The following TAFA1 variants were observed in gnomAD, a reference collection of about 807,000 sequenced individuals.
The protein encoded by TAFA1 is chemokine-like protein TAFA-1.
Under a neutral mutation model 18.5 loss-of-function variants are expected in TAFA1, and 4 were observed. That is an observed-to-expected ratio of 0.22 (90% CI 0.11 to 0.49). The LOEUF (loss-of-function observed/expected upper bound fraction) is 0.49. TAFA1 is among the 20% of genes least tolerant of loss of function. The probability of loss-of-function intolerance (pLI) is 0.98; values close to 1 mark genes in which losing one functional copy is unlikely to be tolerated. For missense variants in TAFA1, 147 were observed against 169.0 expected (o/e 0.87, Z 0.72); for synonymous variants, 56 against 55.2 (o/e 1.01, Z -0.06).
At chr3:68,330,150 G>T (rs563516171) in intron 2 of TAFA1, among the ~76,000 whole-genome samples, 1 of 152,288 alleles carries the variant, frequency 6.6e-6, no homozygotes, top group African/African-American at 2.4e-5. Flanking sequence ...TGTATCATGG[G>T]CAAATGGTCA....
At chr3:68,025,605 C>T (rs1353041303) in intron 2 of TAFA1, among the ~76,000 whole-genome samples, 1 of 152,116 alleles carries the variant, frequency 6.6e-6, no homozygotes, top group East Asian at 1.9e-4. Flanking sequence ...GCATCTTCTC[C>T]TACTTCACTC....
chr3:68,252,660 A>C (rs1342256874), intron 2 of TAFA1, among the ~76,000 whole-genome samples: 1 of 152,188 alleles, frequency 6.6e-6, no homozygotes, highest in Non-Finnish European at 1.5e-5. Context: ...GTACTTTCTG[A>C]AGCCAAACTG....
intron 2 of TAFA1, among the ~76,000 whole-genome samples, chr3:68,050,715 T>A (rs1300594725): frequency 1.3e-5 from 2 of 152,162 alleles, no homozygotes; most frequent in African/African-American, 2.4e-5. Flanking sequence ...AAAGCAAGGG[T>A]CAGCCATTGA....
intron 2 of TAFA1, among the ~76,000 whole-genome samples, chr3:68,231,909 C>CTAAAAAAAAAAA (rs2066877123): frequency 6.6e-6 from 1 of 152,050 alleles, no homozygotes; most frequent in African/African-American, 2.4e-5. Flanking sequence ...CTGGAAAAGC[C>CTAAAAAAAAAAA]ATACATTTTT....
chr3:68,248,067 G>T (rs1219424730), intron 2 of TAFA1, among the ~76,000 whole-genome samples: 1 of 152,218 alleles, frequency 6.6e-6, no homozygotes, highest in African/African-American at 2.4e-5. Context: ...GTTGCAGACT[G>T]TTGGGGGAAA....
At chr3:67,997,364 C>T in the TAFA1 span, among the ~76,000 whole-genome samples, 1 of 152,152 alleles carries the variant, frequency 6.6e-6, no homozygotes, top group Non-Finnish European at 1.5e-5. Context: ...TAGAATCCAA[C>T]AGCTAGTAAG....
intron 2 of TAFA1, among the ~76,000 whole-genome samples, chr3:68,313,050 C>G (rs1196320207): frequency 6.6e-6 from 1 of 151,930 alleles, no homozygotes; most frequent in Non-Finnish European, 1.5e-5. Context: ...CTCATGAGAC[C>G]CATACACTAT....
intron 2 of TAFA1, among the ~76,000 whole-genome samples, chr3:68,089,984 G>T (rs1575611030): frequency 6.6e-6 from 1 of 152,126 alleles, no homozygotes; most frequent in South Asian, 2.1e-4. Context: ...AACACGAAGT[G>T]AATATTTCAC....
chr3:68,081,288 C>A (rs916132282), intron 2 of TAFA1, among the ~76,000 whole-genome samples: 127 of 152,168 alleles, frequency 8.3e-4, no homozygotes, highest in Non-Finnish European at 1.3e-3. Context: ...GTAATTTGAT[C>A]GTCTGAAGCC....
At chr3:68,119,976 T>C (rs187749730) in intron 2 of TAFA1, among the ~76,000 whole-genome samples, 23 of 152,336 alleles carry the variant, frequency 1.5e-4, no homozygotes, top group African/African-American at 5.1e-4. Context: ...AGCATCCATA[T>C]GCAAATGTCT....
At chr3:68,391,574 T>G (rs2070248960) in intron 2 of TAFA1, among the ~76,000 whole-genome samples, 1 of 152,048 alleles carries the variant, frequency 6.6e-6, no homozygotes, top group Non-Finnish European at 1.5e-5. Flanking sequence ...TCACCATGGT[T>G]GAAATGAAGG....
chr3:68,541,801 G>C (rs2073380539), intron 4 of TAFA1, among the ~76,000 whole-genome samples: 3 of 152,134 alleles, frequency 2.0e-5, no homozygotes. Context: ...TCCTATAAAA[G>C]ACTGTTCCAA....
chr3:68,488,655 T>C (rs892317083), intron 3 of TAFA1, among the ~76,000 whole-genome samples: 4 of 152,186 alleles, frequency 2.6e-5, no homozygotes, highest in East Asian at 1.9e-4. Context: ...GGCAATAAGA[T>C]ACCTGCACCA....
intron 3 of TAFA1, among the ~76,000 whole-genome samples, chr3:68,435,565 C>T (rs2071254318): frequency 6.6e-6 from 1 of 152,072 alleles, no homozygotes; most frequent in Non-Finnish European, 1.5e-5. Context: ...AGAATAAACC[C>T]AAGAAATGTC....
chr3:68,269,261 C>G (rs1317643285), intron 2 of TAFA1, among the ~76,000 whole-genome samples: 1 of 152,124 alleles, frequency 6.6e-6, no homozygotes, highest in Non-Finnish European at 1.5e-5. Flanking sequence ...TGAGACCAGC[C>G]TGAGCGACAG....
At chr3:68,410,426 G>A (rs536263070) in intron 2 of TAFA1, among the ~76,000 whole-genome samples, 6 of 152,024 alleles carry the variant, frequency 3.9e-5, no homozygotes, top group East Asian at 1.9e-4. Flanking sequence ...AGATAATTAC[G>A]GCATTTACTT....
chr3:68,288,462 A>C (rs1009451008), intron 2 of TAFA1, among the ~76,000 whole-genome samples: 2 of 152,106 alleles, frequency 1.3e-5, no homozygotes, highest in Non-Finnish European at 2.9e-5. Flanking sequence ...TTGCCCATGG[A>C]AGATTATGTC....
At chr3:68,517,516 G>C (rs541848872) in intron 3 of TAFA1, among the ~76,000 whole-genome samples, 1 of 152,256 alleles carries the variant, frequency 6.6e-6, no homozygotes, top group African/African-American at 2.4e-5. Flanking sequence ...GTGCAAATGT[G>C]TAGTCAAGTG....
At chr3:68,370,448 A>ACACACACACACACATATATATACATATG (rs2069672345) in intron 2 of TAFA1, among the ~76,000 whole-genome samples, 7 of 45,904 alleles carry the variant, frequency 1.5e-4, no homozygotes, top group Non-Finnish European at 2.5e-4. Context: ...ATACATATGT[A>ACACACACACACACATATATATACATATG]TATATATGTG....
Sources: allele counts gnomAD v4.1 joint callset (sites outside exome capture counted in the v4.1 genomes callset), GRCh38; gene constraint gnomAD v4.1.1; transcripts MANE v1.5; gene names NCBI Gene and HGNC (gene_info 2026-07-23, HGNC 2026-07-21).